The following FILIP1L variants were observed in gnomAD, a reference collection of about 807,000 sequenced individuals.
FILIP1L encodes the protein filamin A-interacting protein 1-like.
FILIP1L carries 55 observed loss-of-function variants against 96.6 expected under a neutral mutation model. That is an observed-to-expected ratio of 0.57 (90% CI 0.46 to 0.71). The LOEUF (loss-of-function observed/expected upper bound fraction) is 0.71, where lower values mean the gene tolerates loss of function less well. FILIP1L is among the 30% of genes least tolerant of loss of function. The probability of loss-of-function intolerance (pLI) is 0.00; values close to 1 mark genes in which losing one functional copy is unlikely to be tolerated. For missense variants in FILIP1L, 1,304 were observed against 1,321.2 expected (o/e 0.99, Z 0.20); for synonymous variants, 467 against 473.9 (o/e 0.99, Z 0.19).
chr3:99,830,327 G>A lies in FILIP1L; in HGVS notation c.*87C>T. The A allele has an allele frequency of 2.8e-6, 1 of 354,216 alleles. No homozygotes were observed. The highest frequency in any genetic ancestry group is 2.1e-5 in the South Asian group (1 of 47,026). The allele number at this position is 354,216 out of a possible 1,614,324, so 21.9% of individuals were successfully genotyped here. A position where few individuals can be genotyped will look rare whatever the true frequency, so the allele number is the denominator to read the frequency against. ...AAGCTGCTTCACCATTTCCTGGAGA[G>A]ATGGTCCTTTGGCCTTTCATAGTGG... is the stretch of plus-strand genomic sequence containing the variant. On this transcript the variant is annotated 3_prime_UTR_variant, in exon 6 of 6. Coordinates refer to ENST00000477258, the MANE Select transcript of FILIP1L (RefSeq NM_001387850.1).
At position 100,041,996 on chromosome 3, in the gene FILIP1L, G is replaced by T. The variant is rs2065212724; in HGVS notation, c.-11+72057C>A. Among the ~76,000 whole-genome samples, 3 of 152,142 alleles carry T rather than the reference G, an allele frequency of 2.0e-5. No individual in the cohort carries two copies. In the South Asian group the frequency reaches 6.2e-4, roughly 32 times the overall value. ...TTCCTTCCTCTTTCTTCAGCTATAT[G>T]ATCTGAGTCCCTTTTTATTTCATAT... is the stretch of plus-strand genomic sequence containing the variant. On this transcript the variant is annotated intron_variant, in intron 1 of 5. Coordinates refer to ENST00000477258, the MANE Select transcript of FILIP1L (RefSeq NM_001387850.1).
intron 4 of FILIP1L, among the ~76,000 whole-genome samples, chr3:99,882,708 A>G (rs1420079844): frequency 1.3e-5 from 2 of 152,206 alleles, no homozygotes; most frequent in Non-Finnish European, 2.9e-5. Context: ...TTTGGGAAAC[A>G]TGAAAAAATG....
chr3:99,850,943 C>T lies in FILIP1L; in HGVS notation c.733G>A (p.Glu245Lys). The T allele has an allele frequency of 1.2e-6, 2 of 1,614,198 alleles. No homozygotes were observed. The highest frequency in any genetic ancestry group is 1.3e-5 in the African/African-American group (1 of 75,062). ...AGCTGTGCCGTCAGCCTTTGCTGTT[C>T]ATCCACCACCATCAAAGCAAAAGAC... ...LKSFALMVVD[E>K]QQRLTAQLTL... Residue 245 changes from glutamate to lysine, a missense_variant, in exon 5 of 6, where the codon GAA becomes AAA. Coordinates refer to ENST00000477258, the MANE Select transcript of FILIP1L (RefSeq NM_001387850.1).
chr3:99,904,027 T>G (rs1012304457), intron 4 of FILIP1L, among the ~76,000 whole-genome samples: 2 of 152,252 alleles, frequency 1.3e-5, no homozygotes, highest in Non-Finnish European at 2.9e-5. Context: ...ATATGCATCT[T>G]GTTTTTCTAA....
At position 99,995,902 on chromosome 3, in the gene FILIP1L, G is replaced by A. The variant is rs140332408; in HGVS notation, c.-10-64872C>T. Reference sequence around the variant, plus strand: ...GCCCAGCCCAGGAAACCATTTTCTCGTAGGCCTCTGGGCTGATGACTGGAG... The same window carrying A: ...GCCCAGCCCAGGAAACCATTTTCTCATAGGCCTCTGGGCTGATGACTGGAG... On this transcript the variant is annotated intron_variant, in intron 1 of 5. Coordinates refer to ENST00000477258, the MANE Select transcript of FILIP1L (RefSeq NM_001387850.1). Among the ~76,000 whole-genome samples the A allele has an allele frequency of 4.8e-3, 736 of 152,250 alleles. 2 individuals are homozygous for A. The highest frequency in any genetic ancestry group is 0.012 in the South Asian group (56 of 4,824).
rs375313200 is a variant in FILIP1L, at chr3:100,095,566, G to A, written c.-11+18487C>T. ...GGTGCTAGGAAAACTGGACATTTAT[G>A]TGCAGAAGAATGAAACTTGACCCCT... is the stretch of plus-strand genomic sequence containing the variant. On this transcript the variant is annotated intron_variant, in intron 1 of 5. Transcript: ENST00000477258. Among the ~76,000 whole-genome samples the A allele has an allele frequency of 7.9e-5, 12 of 152,008 alleles. No homozygotes were observed. In the East Asian group the frequency reaches 9.6e-4, roughly 12 times the overall value.
chr3:99,983,632 A>T (rs1418652174), intron 1 of FILIP1L, among the ~76,000 whole-genome samples: 1 of 147,400 alleles, frequency 6.8e-6, no homozygotes, highest in African/African-American at 2.5e-5. Flanking sequence ...GGAGGTTGCC[A>T]TGAGCTGAGA....
chr3:99,902,218 A>G (rs190209796), intron 4 of FILIP1L, among the ~76,000 whole-genome samples: 2 of 152,216 alleles, frequency 1.3e-5, no homozygotes. Context: ...ACCATGTGAC[A>G]TTTTTTTGAG....
rs146110019 is a variant in FILIP1L, at chr3:100,110,577, C to T, written c.-11+3476G>A. On this transcript the variant is annotated intron_variant, in intron 1 of 5. Coordinates refer to ENST00000477258, the MANE Select transcript of FILIP1L (RefSeq NM_001387850.1). ...CATGTACAGGAAATTCCAGGAAGAACGTAAAAAAAGAAATAAAGTCGTGTA... is the reference window on the plus strand; with the variant it reads ...CATGTACAGGAAATTCCAGGAAGAATGTAAAAAAAGAAATAAAGTCGTGTA... Among the ~76,000 whole-genome samples, 1,441 of 151,998 alleles carry T rather than the reference C, an allele frequency of 9.5e-3. 11 individuals are homozygous for T. Among genetic ancestry groups the T allele is most frequent in the African/African-American group, 0.018 (764 of 41,476 alleles).
At chr3:99,838,617 TA>T (rs1327612034) in intron 5 of FILIP1L, among the ~76,000 whole-genome samples, 3 of 152,160 alleles carry the variant, frequency 2.0e-5, no homozygotes, top group Non-Finnish European at 4.4e-5. Context: ...ATTCAACTTA[TA>T]ATGAATTTAA....
intron 1 of FILIP1L, among the ~76,000 whole-genome samples, chr3:100,088,957 C>G (rs1045865977): frequency 6.6e-6 from 1 of 152,084 alleles, no homozygotes; most frequent in Non-Finnish European, 1.5e-5. Context: ...AAGTAAGTCA[C>G]TGTTTGCATG....
At chr3:99,991,462 G>A (rs1432199870) in intron 1 of FILIP1L, among the ~76,000 whole-genome samples, 1 of 151,840 alleles carries the variant, frequency 6.6e-6, no homozygotes, top group Non-Finnish European at 1.5e-5. Flanking sequence ...TCTTTTTTAT[G>A]TTTATATATT....
At chr3:99,860,759 CA>C (rs1944210739) in intron 4 of FILIP1L, among the ~76,000 whole-genome samples, 1 of 152,150 alleles carries the variant, frequency 6.6e-6, no homozygotes, top group Admixed American at 6.5e-5. Context: ...ACAAGTACAG[CA>C]CATGTAAATT....
At chr3:99,907,786 C>A (rs143034925) in intron 4 of FILIP1L, among the ~76,000 whole-genome samples, 13 of 152,130 alleles carry the variant, frequency 8.5e-5, no homozygotes, top group African/African-American at 3.1e-4. Context: ...TAATGTGCAA[C>A]GCTAATGCTA....
intron 1 of FILIP1L, among the ~76,000 whole-genome samples, chr3:99,967,257 T>C (rs903877396): frequency 6.6e-6 from 1 of 152,184 alleles, no homozygotes; most frequent in East Asian, 1.9e-4. Flanking sequence ...TAATAGTCCC[T>C]CTGATATTAA....
At chr3:99,973,295 A>G (rs2107720922) in intron 1 of FILIP1L, among the ~76,000 whole-genome samples, 1 of 152,310 alleles carries the variant, frequency 6.6e-6, no homozygotes, top group Admixed American at 6.5e-5. Context: ...TTCATTTGAG[A>G]ATACATGTTA....
intron 1 of FILIP1L, among the ~76,000 whole-genome samples, chr3:100,057,196 T>G (rs2065479411): frequency 6.6e-6 from 1 of 152,154 alleles, no homozygotes; most frequent in Non-Finnish European, 1.5e-5. Context: ...TCTCTGCCCC[T>G]CCAGTGGACT....
chr3:100,091,081 C>G (rs553374099), intron 1 of FILIP1L, among the ~76,000 whole-genome samples: 1 of 151,996 alleles, frequency 6.6e-6, no homozygotes, highest in Non-Finnish European at 1.5e-5. Flanking sequence ...ATCAGGAGAT[C>G]GAGACCATCC....
intron 1 of FILIP1L, among the ~76,000 whole-genome samples, chr3:100,050,750 G>A (rs938084940): frequency 5.3e-5 from 8 of 152,054 alleles, no homozygotes; most frequent in African/African-American, 1.4e-4. Context: ...GGCTGGTCTC[G>A]AACTCCTGAC....
Sources: gnomAD v4.1 joint callset for allele counts (sites outside exome capture counted in the v4.1 genomes callset) on GRCh38, gnomAD v4.1.1 for gene constraint, MANE v1.5 for transcripts, NCBI Gene and HGNC (gene_info 2026-07-23, HGNC 2026-07-21) for gene names.